The following ANGPTL4 variants were observed in gnomAD, a reference collection of about 807,000 sequenced individuals.
The protein encoded by ANGPTL4 is angiopoietin like 4.
A neutral mutation model predicts 39.2 loss-of-function variants in ANGPTL4; 39 were observed. The observed-to-expected ratio is 1.00, with a 90% confidence interval of 0.77 to 1.30. ANGPTL4 has a LOEUF of 1.30. Ranked by LOEUF, ANGPTL4 falls within the 50% of genes most tolerant of loss-of-function variation. The probability of loss-of-function intolerance (pLI) is 0.00; values close to 1 mark genes in which losing one functional copy is unlikely to be tolerated. For missense variants in ANGPTL4, 545 were observed against 549.8 expected, an observed-to-expected ratio of 0.99 and a Z score of 0.09; for synonymous variants, 233 against 229.5, an observed-to-expected ratio of 1.02 and a Z score of -0.14.
chr19:8,365,208 T>G (rs994667772), intron 1 of ANGPTL4, among the ~76,000 whole-genome samples: 3 of 151,032 alleles, frequency 2.0e-5, no homozygotes, highest in Non-Finnish European at 4.4e-5. Context: ...CCAGGTGCGG[T>G]GACTCACGCT....
At position 8,373,950 on chromosome 19, in the gene ANGPTL4, G is replaced by A. The variant is rs963158653; in HGVS notation, c.*64G>A. Reference sequence around the variant, plus strand: ...GTGACTCTTGGCTCTGCCCGAGGATGTGGCCGTTCCCTGCCTGGGCAGGGG... The same window carrying A: ...GTGACTCTTGGCTCTGCCCGAGGATATGGCCGTTCCCTGCCTGGGCAGGGG... On this transcript the variant is annotated 3_prime_UTR_variant, in exon 7 of 7. Transcript: ENST00000301455. 1.4e-5 allele frequency: 22 copies of A among 1,577,836 alleles called. No individual in the cohort carries two copies. Among genetic ancestry groups the A allele is most frequent in the Admixed American group, 8.4e-5 (5 of 59,734 alleles).
rs143620129 is a variant in ANGPTL4 at position 8,371,311 on chromosome 19, G to C, written c.828G>C (p.Gln276His). The change falls in exon 6 of 7, where the codon CAG becomes CAC. Residue 276 changes from glutamine (Q) to histidine (H), a missense_variant. Coordinates refer to ENST00000301455, the MANE Select transcript of ANGPTL4 (RefSeq NM_139314.3). This position sits in a 1 kb window ranked among gnomAD's most constrained non-coding sequence, Gnocchi z 5.1. The part of the protein sequence containing the change: ...TGDRNSRLAV[Q>H]LRDWDGNAEL... ...ACCGCAACAGCCGCCTGGCCGTGCAGCTGCGGGACTGGGATGGCAACGCCG... is the reference window on the plus strand; with the variant it reads ...ACCGCAACAGCCGCCTGGCCGTGCACCTGCGGGACTGGGATGGCAACGCCG... The C allele has an allele frequency of 6.2e-7, 1 of 1,613,796 alleles. No homozygotes were observed. The highest frequency in any genetic ancestry group is 1.3e-5 in the African/African-American group (1 of 74,944).
chr19:8,368,085 C>T lies in ANGPTL4; in HGVS notation c.548-1134C>T, dbSNP rs925760871. Reference sequence around the variant, plus strand: ...CCAGGTTGGAGTGCAATGGTTCAACCTCAGCTGACTGCAACCTCTGCCTCC... The same window carrying T: ...CCAGGTTGGAGTGCAATGGTTCAACTTCAGCTGACTGCAACCTCTGCCTCC... On this transcript the variant is annotated intron_variant, in intron 3 of 6. Coordinates refer to ENST00000301455, the MANE Select transcript of ANGPTL4 (RefSeq NM_139314.3). Among the ~76,000 whole-genome samples the T allele has an allele frequency of 1.4e-4, 20 of 145,528 alleles. No homozygotes were observed. The East Asian group carries it at 3.4e-3, about 24-fold the overall frequency.
rs189305571 is a variant in ANGPTL4 at position 8,373,988 on chromosome 19, G to A, written c.*102G>A. ...GCCTGGGCAGGGGCTCCAAGGAGGG[G>A]CCATCTGGAAACTTGTGGACAGAGA... On this transcript the variant is annotated 3_prime_UTR_variant, in exon 7 of 7. Transcript: ENST00000301455. 1.5e-6 allele frequency: 2 copies of A among 1,345,066 alleles called. No homozygotes were observed. The highest frequency in any genetic ancestry group is 2.1e-6 in the Non-Finnish European group (2 of 953,740). The allele number at this position is 1,345,066 out of a possible 1,614,324, so 83.3% of individuals were successfully genotyped here.
chr19:8,367,665 C>G (rs964782394), intron 3 of ANGPTL4, among the ~76,000 whole-genome samples: 6 of 152,058 alleles, frequency 3.9e-5, no homozygotes, highest in Non-Finnish European at 7.4e-5. Flanking sequence ...ACGTGCTCAA[C>G]GCCATCCTCC....
At chr19:8,366,515 C>A (rs1266865876) in intron 3 of ANGPTL4, among the ~76,000 whole-genome samples, 196 bp downstream of exon 3, 6 of 152,190 alleles carry the variant, frequency 3.9e-5, no homozygotes, top group African/African-American at 1.4e-4. Flanking sequence ...CCAGGCCACC[C>A]AACCCTTCTC....
chr19:8,371,283 G>A lies in ANGPTL4; in HGVS notation c.800G>A (p.Gly267Glu). 1.2e-6 allele frequency: 2 copies of A among 1,614,002 alleles called. No homozygotes were observed. Among genetic ancestry groups the A allele is most frequent in the South Asian group, 2.2e-5 (2 of 91,082 alleles). The change falls in exon 6 of 7, where the codon GGG becomes GAG. Residue 267 changes from glycine (G) to glutamate (E), a missense_variant. Coordinates refer to ENST00000301455, the MANE Select transcript of ANGPTL4 (RefSeq NM_139314.3). The surrounding 1 kb of genome is among the most constrained non-coding windows in gnomAD (Gnocchi z 5.1). ...CTGGAGAAGGTGCATAGCATCACGGGGGACCGCAACAGCCGCCTGGCCGTG... is the reference window on the plus strand; with the variant it reads ...CTGGAGAAGGTGCATAGCATCACGGAGGACCGCAACAGCCGCCTGGCCGTG... The part of the protein sequence containing the change: ...LGLEKVHSIT[G>E]DRNSRLAVQL...
At chr19:8,373,253 A>T (rs1402747247) in intron 6 of ANGPTL4, among the ~76,000 whole-genome samples, 1 of 152,104 alleles carries the variant, frequency 6.6e-6, no homozygotes, top group Non-Finnish European at 1.5e-5. Flanking sequence ...AAAAATACAA[A>T]AACTAGCCAG....
intron 3 of ANGPTL4, among the ~76,000 whole-genome samples, chr19:8,368,634 G>A (rs1166095849): frequency 6.6e-6 from 1 of 152,112 alleles, no homozygotes; most frequent in Non-Finnish European, 1.5e-5. Flanking sequence ...CAAGGCTGGC[G>A]GATCACGAGG....
chr19:8,371,151 G>C lies in ANGPTL4; in HGVS notation c.757G>C (p.Gly253Arg). The C allele has an allele frequency of 6.2e-7, 1 of 1,613,792 alleles. No individual in the cohort carries two copies. Among genetic ancestry groups the C allele is most frequent in the Non-Finnish European group, 8.5e-7 (1 of 1,179,870 alleles). Reference sequence around the variant, plus strand: ...CAAGGCGGGGTTTGGGGATCCCCACGGTAGGTGTTTCTAGTGGGGACAGAG... The same window carrying C: ...CAAGGCGGGGTTTGGGGATCCCCACCGTAGGTGTTTCTAGTGGGGACAGAG... ...AYKAGFGDPHGEFWLGLEKVH... is the reference protein window; with the variant it reads ...AYKAGFGDPHREFWLGLEKVH... Residue 253 changes from glycine to arginine, a missense_variant and splice_region_variant, in exon 5 of 7, where the codon GGC (glycine) becomes CGC (arginine). Transcript: ENST00000301455. The surrounding 1 kb of genome is among the most constrained non-coding windows in gnomAD (Gnocchi z 5.1).
rs1475734497 is a variant in ANGPTL4, at chr19:8,374,106, C to CTA, written c.*221_*222dup. ...CGAGGCTGCAGGATATGCTCAGACT[C>CTA]TAGAGGCGTGGACCAAGGGGCATGG... On this transcript the variant is annotated 3_prime_UTR_variant, in exon 7 of 7. Transcript: ENST00000301455. 7.0e-6 allele frequency: 4 copies of CTA among 572,968 alleles called. No homozygotes were observed. Among genetic ancestry groups the CTA allele is most frequent in the Non-Finnish European group, 1.2e-5 (4 of 321,366 alleles). 35.5% of individuals were successfully genotyped at this position (572,968 alleles called of 1,614,324 possible). A position where few individuals can be genotyped will look rare whatever the true frequency, so the allele number is the denominator to read the frequency against.
chr19:8,371,659 G>A lies in ANGPTL4; in HGVS notation c.1039+137G>A. On this transcript the variant is annotated intron_variant, in intron 6 of 6. Transcript: ENST00000301455. This position sits in a 1 kb window ranked among gnomAD's most constrained non-coding sequence, Gnocchi z 5.1. Reference sequence around the variant, plus strand: ...CCTTACATGCCGTGTGTGTGATTGGGCCACTAACTTAGCCTATCTGGCCTC... The same window carrying A: ...CCTTACATGCCGTGTGTGTGATTGGACCACTAACTTAGCCTATCTGGCCTC... 2 of 1,301,604 alleles carry A rather than the reference G, an allele frequency of 1.5e-6. No individual in the cohort carries two copies. Among genetic ancestry groups the A allele is most frequent in the Non-Finnish European group, 2.1e-6 (2 of 943,810 alleles). 80.6% of individuals were successfully genotyped at this position (1,301,604 alleles called of 1,614,324 possible).
rs1163231369 is a variant in ANGPTL4 at position 8,371,845 on chromosome 19, C to T, written c.1039+323C>T. ...CGATCTTGGCTCACTGCAAGCTCCA[C>T]CTCCTGAGTTCACACCATTCTCCTG... is the stretch of plus-strand genomic sequence containing the variant. On this transcript the variant is annotated intron_variant, in intron 6 of 6. Transcript: ENST00000301455. This position sits in a 1 kb window ranked among gnomAD's most constrained non-coding sequence, Gnocchi z 5.1. Among the ~76,000 whole-genome samples, 1 of 152,144 alleles carries T rather than the reference C, an allele frequency of 6.6e-6. No homozygotes were observed. The highest frequency in any genetic ancestry group is 2.4e-5 in the African/African-American group (1 of 41,428).
chr19:8,373,211 C>G (rs571346609), intron 6 of ANGPTL4, among the ~76,000 whole-genome samples: 1 of 152,176 alleles, frequency 6.6e-6, no homozygotes, highest in South Asian at 2.1e-4. Context: ...TTGAGACCAA[C>G]CTGGCCAACA....
intron 4 of ANGPTL4, among the ~76,000 whole-genome samples, chr19:8,370,778 G>A (rs745355866): frequency 6.6e-6 from 1 of 151,808 alleles, no homozygotes; most frequent in Non-Finnish European, 1.5e-5. Flanking sequence ...ACAACACGGG[G>A]TTTTACCCAG....
chr19:8,364,496 G>T lies in ANGPTL4; in HGVS notation c.175G>T (p.Ala59Ser). Residue 59 changes from alanine (A) to serine (S), a missense_variant, in exon 1 of 7, where the codon GCG (alanine) becomes TCG (serine). Coordinates refer to ENST00000301455, the MANE Select transcript of ANGPTL4 (RefSeq NM_139314.3). ...GCTCGGCCAGGGGCTGCGCGAACACGCGGAGCGCACCCGCAGTCAGCTGAG... is the reference window on the plus strand; with the variant it reads ...GCTCGGCCAGGGGCTGCGCGAACACTCGGAGCGCACCCGCAGTCAGCTGAG... ...LQLGQGLREH[A>S]ERTRSQLSAL... 6.4e-7 allele frequency: 1 copy of T among 1,564,574 alleles called. No individual in the cohort carries two copies. The highest frequency in any genetic ancestry group is 8.7e-7 in the Non-Finnish European group (1 of 1,155,826).
chr19:8,370,400 C>T (rs1237622080), intron 4 of ANGPTL4, among the ~76,000 whole-genome samples: 1 of 151,596 alleles, frequency 6.6e-6, no homozygotes, highest in Non-Finnish European at 1.5e-5. Flanking sequence ...CTGGGCAACA[C>T]AACAAAACCT....
intron 2 of ANGPTL4, 57 bp from the exon 3 acceptor site, chr19:8,366,145 G>A: frequency 6.2e-7 from 1 of 1,610,288 alleles, no homozygotes; most frequent in South Asian, 1.1e-5. Context: ...AACTGGACGT[G>A]TGGCTGGGGA....
intron 4 of ANGPTL4, 134 bp from the exon 5 acceptor site, chr19:8,370,922 G>A (rs898989784): frequency 2.1e-6 from 2 of 971,126 alleles, no homozygotes; most frequent in African/African-American, 1.6e-5. Context: ...CACCCTCCTC[G>A]AGTCCTCCAG....
Sources: allele counts gnomAD v4.1 joint callset (sites outside exome capture counted in the v4.1 genomes callset), GRCh38; gene constraint gnomAD v4.1.1; non-coding constraint Gnocchi (gnomAD v3.1); transcripts MANE v1.5; gene names NCBI Gene and HGNC (gene_info 2026-07-23, HGNC 2026-07-21).